Variants in MICAL3 observed in about 807,000 individuals in gnomAD.
MICAL3 encodes microtubule associated monooxygenase, calponin and LIM domain containing 3, also known as [F-actin]-monooxygenase MICAL3.
A neutral mutation model predicts 207.4 loss-of-function variants in MICAL3; 62 were observed. The ratio of observed to expected loss-of-function variants is 0.30; its 90% CI spans 0.24 to 0.37. MICAL3 has a LOEUF of 0.37. MICAL3 is among the 10% of genes least tolerant of loss of function. MICAL3 has a pLI of 1.00. For missense variants in MICAL3, 2,368 were observed against 2,635.6 expected, an observed-to-expected ratio of 0.90 and a Z score of 2.22; for synonymous variants, 1,077 against 1,069.3, an observed-to-expected ratio of 1.01 and a Z score of -0.14.
chr22:17,881,652 C>T (rs1200693715), intron 16 of MICAL3, among the ~76,000 whole-genome samples: 1 of 152,180 alleles, frequency 6.6e-6, no homozygotes, highest in East Asian at 1.9e-4. Flanking sequence ...AGAGGGGACA[C>T]AGAGACCCCC....
chr22:17,878,323 C>T (rs1253330234), intron 16 of MICAL3, among the ~76,000 whole-genome samples: 2 of 152,168 alleles, frequency 1.3e-5, no homozygotes, highest in Non-Finnish European at 2.9e-5. Context: ...CACACAGCGC[C>T]GTGGGAGAGC....
chr22:17,840,700 C>T (rs1923923419), intron 20 of MICAL3: 1 of 152,262 alleles, frequency 6.6e-6, no homozygotes, highest in African/African-American at 2.4e-5. Context: ...CTCTCACCCT[C>T]ACTGCAGGGT....
chr22:17,882,959 C>T lies in MICAL3; in HGVS notation c.2241+2919G>A, dbSNP rs114050176. Among the ~76,000 whole-genome samples the T allele has an allele frequency of 5.0e-3, 766 of 152,242 alleles. 6 individuals are homozygous for T. The highest frequency in any genetic ancestry group is 0.017 in the African/African-American group (704 of 41,540). ...CATTCTCCAGGGAGAGTGCTTCTGG[C>T]GGCCCCTCAGTGCCATTCCAGCCAC... On this transcript the variant is annotated intron_variant, in intron 16 of 31. Coordinates refer to ENST00000441493, the MANE Select transcript of MICAL3 (RefSeq NM_015241.3).
chr22:17,810,022 G>C (rs2062026700), intron 28 of MICAL3, among the ~76,000 whole-genome samples: 1 of 150,212 alleles, frequency 6.7e-6, no homozygotes, highest in African/African-American at 2.5e-5. Context: ...CCAAATAGCT[G>C]GGATTACAGG....
intron 20 of MICAL3, among the ~76,000 whole-genome samples, chr22:17,836,329 T>C (rs571076018): frequency 1.3e-5 from 2 of 152,290 alleles, no homozygotes; most frequent in Admixed American, 1.3e-4. Flanking sequence ...ATCGCACAAA[T>C]GCTCTAGGTC....
chr22:17,870,315 GCT>G (rs1311694034), intron 17 of MICAL3, among the ~76,000 whole-genome samples: 1 of 152,120 alleles, frequency 6.6e-6, no homozygotes, highest in Non-Finnish European at 1.5e-5. Context: ...ATCCCAAGAT[GCT>G]CTTGAACTTC....
At chr22:17,822,270 C>T in intron 23 of MICAL3, 100 bp from the exon 24 acceptor site, 1 of 1,419,118 alleles carries the variant, frequency 7.0e-7, no homozygotes, top group Non-Finnish European at 9.5e-7. Flanking sequence ...TGCAACACAG[C>T]TGCTCAGGTG....
chr22:17,805,895 A>AT, intron 29 of MICAL3, among the ~76,000 whole-genome samples: 1 of 152,206 alleles, frequency 6.6e-6, no homozygotes, highest in Non-Finnish European at 1.5e-5. Context: ...TGCCAGGCTA[A>AT]TTTTTTGTAT....
intron 1 of MICAL3, among the ~76,000 whole-genome samples, chr22:17,923,038 G>A (rs1003869477): frequency 6.6e-5 from 10 of 152,082 alleles, no homozygotes; most frequent in African/African-American, 2.2e-4. Context: ...GATTCCCGCT[G>A]ACCCCTGAGA....
intron 16 of MICAL3, among the ~76,000 whole-genome samples, chr22:17,882,002 AG>A (rs1929481052): frequency 7.3e-6 from 1 of 136,896 alleles, no homozygotes; most frequent in South Asian, 2.2e-4. Flanking sequence ...ATACCTTCCA[AG>A]GAAGTCTCAT....
intron 17 of MICAL3, among the ~76,000 whole-genome samples, chr22:17,870,534 T>C (rs1182899201): frequency 2.6e-5 from 4 of 152,170 alleles, no homozygotes; most frequent in Non-Finnish European, 5.9e-5. Flanking sequence ...CAAAAGTACC[T>C]GTAGATCAAT....
chr22:17,847,804 T>A (rs1237070260), intron 19 of MICAL3, among the ~76,000 whole-genome samples: 1 of 152,236 alleles, frequency 6.6e-6, no homozygotes, highest in Non-Finnish European at 1.5e-5. Context: ...AAAGATCAAC[T>A]AACATCATTT....
At position 17,803,471 on chromosome 22, in the gene MICAL3, G is replaced by A. The variant is rs150309913; in HGVS notation, c.5650+5373C>T. The A allele has an allele frequency of 2.7e-4, 41 of 152,210 alleles. No individual in the cohort carries two copies. The East Asian group carries it at 7.3e-3, about 27-fold the overall frequency. The allele number at this position is 152,210 out of a possible 1,614,324, so 9.4% of individuals were successfully genotyped here. Reference sequence around the variant, plus strand: ...CTAGCAGATATGATTCCTACAAGCAGTGAGGGATGAGATTCAGGGCAAAAG... The same window carrying A: ...CTAGCAGATATGATTCCTACAAGCAATGAGGGATGAGATTCAGGGCAAAAG... On this transcript the variant is annotated intron_variant, in intron 29 of 31. Transcript: ENST00000441493.
chr22:17,945,223 C>G (rs1195814284), intron 1 of MICAL3, among the ~76,000 whole-genome samples: 1 of 152,120 alleles, frequency 6.6e-6, no homozygotes, highest in Non-Finnish European at 1.5e-5. Context: ...GCCCCCAATC[C>G]CCATATTTCT....
chr22:17,852,683 C>G (rs374260102), intron 19 of MICAL3, among the ~76,000 whole-genome samples: 16 of 152,218 alleles, frequency 1.1e-4, no homozygotes, highest in Admixed American at 2.0e-4. Flanking sequence ...CAACCCCAGA[C>G]AGGCCCTGGG....
In MICAL3 at chr22:17,863,565, G is replaced by A. The variant is rs943938124; in HGVS notation, c.2605+1334C>T. ...TAAAAGTCATTAATGGTTGAAACATGGCTATAAAATGTTGGTCCCACCTGC... is the reference window on the plus strand; with the variant it reads ...TAAAAGTCATTAATGGTTGAAACATAGCTATAAAATGTTGGTCCCACCTGC... On this transcript the variant is annotated intron_variant, in intron 19 of 31. Transcript: ENST00000441493. 2.8e-5 allele frequency: 28 copies of A among 985,338 alleles called. No homozygotes were observed. The Admixed American group carries it at 1.7e-3, about 61-fold the overall frequency. The allele number at this position is 985,338 out of a possible 1,614,324, so 61.0% of individuals were successfully genotyped here. A position where few individuals can be genotyped will look rare whatever the true frequency, so the allele number is the denominator to read the frequency against.
At chr22:17,842,086 C>T (rs527600811) in intron 19 of MICAL3, 69 bp from the exon 20 acceptor site, 5 of 1,460,926 alleles carry the variant, frequency 3.4e-6, no homozygotes, top group Admixed American at 1.8e-5. Flanking sequence ...TGGGGGCTGA[C>T]ACCCAGGCTG....
chr22:17,945,072 G>C (rs1411727436), intron 1 of MICAL3, among the ~76,000 whole-genome samples: 1 of 149,144 alleles, frequency 6.7e-6, no homozygotes, highest in Non-Finnish European at 1.5e-5. Flanking sequence ...AATAAATATA[G>C]GGTCTAATAC....
intron 16 of MICAL3, among the ~76,000 whole-genome samples, chr22:17,881,009 G>C (rs1252926948): frequency 6.6e-6 from 1 of 152,194 alleles, no homozygotes; most frequent in Non-Finnish European, 1.5e-5. Flanking sequence ...GACTGACTAG[G>C]GTCAGGTGTG....
Sources: allele counts gnomAD v4.1 joint callset (sites outside exome capture counted in the v4.1 genomes callset), GRCh38; gene constraint gnomAD v4.1.1; transcripts MANE v1.5; gene names NCBI Gene and HGNC (gene_info 2026-07-23, HGNC 2026-07-21).